The following SH3RF2 variants were observed in gnomAD, a reference collection of about 807,000 sequenced individuals.
The protein encoded by SH3RF2 is SH3 domain containing ring finger 2, also known as E3 ubiquitin-protein ligase SH3RF2.
Under a neutral mutation model 59.0 loss-of-function variants are expected in SH3RF2, and 43 were observed. The ratio of observed to expected loss-of-function variants is 0.73; its 90% CI spans 0.57 to 0.94. The LOEUF is 0.94. SH3RF2 is among the 40% of genes least tolerant of loss of function. The pLI, the probability that SH3RF2 is intolerant of heterozygous loss-of-function variation, is 0.00. For synonymous variants in SH3RF2, 391 were observed against 391.5 expected (o/e 1.00, Z 0.01); for missense variants, 930 against 940.1 (o/e 0.99, Z 0.14).
intron 2 of SH3RF2, among the ~76,000 whole-genome samples, chr5:145,958,267 C>T (rs920524813): frequency 1.7e-4 from 26 of 152,182 alleles, no homozygotes; most frequent in Admixed American, 2.6e-4. Context: ...CAAGACTAGG[C>T]GGAACCCTGT....
In SH3RF2 at chr5:146,020,411, G is replaced by A. The variant is rs549704345; in HGVS notation, c.1059+6350G>A. 1.2e-4 allele frequency among the ~76,000 whole-genome samples: 18 copies of A among 152,214 alleles called. No homozygotes were observed. The South Asian group carries it at 3.5e-3, about 30-fold the overall frequency. On this transcript the variant is annotated intron_variant, in intron 5 of 9. Transcript: ENST00000359120. ...CAGCACAATGCCTGCATTATTCTGG[G>A]CAATGAACAAATGTTTTTTGAATAA...
chr5:146,060,133 C>T lies in SH3RF2; in HGVS notation c.1823C>T (p.Pro608Leu). The T allele has an allele frequency of 6.2e-7, 1 of 1,614,190 alleles. No homozygotes were observed. Residue 608 changes from proline (P) to leucine (L), a missense_variant, in exon 9 of 10, where the codon CCC becomes CTC. By Grantham distance (98) the Pro-to-Leu change is moderately conservative. Coordinates refer to ENST00000359120, the MANE Select transcript of SH3RF2 (RefSeq NM_152550.4). ...CTCATTATGGAAGACAAAGAAATCC[C>T]CATCAAGAGTGAGCCTCTGCCAAAA... is the stretch of plus-strand genomic sequence containing the variant. ...SSLIMEDKEI[P>L]IKSEPLPKPP...
intron 2 of SH3RF2, among the ~76,000 whole-genome samples, chr5:145,978,155 A>G (rs1345073593): frequency 1.3e-5 from 2 of 152,232 alleles, no homozygotes; most frequent in African/African-American, 4.8e-5. Context: ...ATTATCTGCA[A>G]AAAATCATAT....
intron 2 of SH3RF2, among the ~76,000 whole-genome samples, chr5:145,991,007 C>T (rs1178626253): frequency 6.6e-6 from 1 of 152,148 alleles, no homozygotes; most frequent in African/African-American, 2.4e-5. Context: ...TATGTGAGAG[C>T]TCTAGAGTTC....
At chr5:146,053,111 T>C (rs1188060298) in intron 7 of SH3RF2, among the ~76,000 whole-genome samples, 1 of 152,146 alleles carries the variant, frequency 6.6e-6, no homozygotes, top group African/African-American at 2.4e-5. Context: ...AAACTAGAGA[T>C]TATAATTGAC....
intron 5 of SH3RF2, among the ~76,000 whole-genome samples, chr5:146,036,869 T>A (rs546051379): frequency 1.3e-5 from 2 of 152,282 alleles, no homozygotes; most frequent in African/African-American, 4.8e-5. Context: ...AGCCTCAGGA[T>A]CCATGAGAAT....
At chr5:145,975,692 G>A (rs974003774) in intron 2 of SH3RF2, among the ~76,000 whole-genome samples, 3 of 152,220 alleles carry the variant, frequency 2.0e-5, no homozygotes, top group African/African-American at 7.2e-5. Context: ...AATGAACCGT[G>A]TTGAGTTCAA....
chr5:146,016,578 G>T (rs147065023), intron 5 of SH3RF2, among the ~76,000 whole-genome samples: 1 of 152,064 alleles, frequency 6.6e-6, no homozygotes, highest in Non-Finnish European at 1.5e-5. Flanking sequence ...GGTAATTAAG[G>T]CCCCAAAAGA....
chr5:145,940,031 AG>A (rs1318362420), intron 2 of SH3RF2, among the ~76,000 whole-genome samples: 1 of 152,214 alleles, frequency 6.6e-6, no homozygotes, highest in Admixed American at 6.5e-5. Context: ...GAGGATTCTC[AG>A]GGCCCTTCTG....
At position 146,047,843 on chromosome 5, in the gene SH3RF2, G is replaced by A; in HGVS notation, c.1131G>A (p.Gln377=). ...CCGTGGTCAGTCTGCCTGGCTCCCA[G>A]CAACACCTCTCAGCGAACATGTGAG... ...STAVVSLPGS[Q]QHLSANMFVA... Residue 377 remains glutamine, a synonymous_variant, in exon 6 of 10, where the codon CAG becomes CAA. Transcript: ENST00000359120. 2 of 1,614,004 alleles carry A rather than the reference G, an allele frequency of 1.2e-6. No homozygotes were observed. Among genetic ancestry groups the A allele is most frequent in the South Asian group, 1.1e-5 (1 of 91,086 alleles).
chr5:145,944,943 G>A (rs898935746), intron 2 of SH3RF2, among the ~76,000 whole-genome samples: 15 of 152,100 alleles, frequency 9.9e-5, no homozygotes, highest in African/African-American at 3.6e-4. Flanking sequence ...TCAGCTATAG[G>A]CACTATGGTA....
intron 2 of SH3RF2, among the ~76,000 whole-genome samples, chr5:145,990,055 C>T (rs144836071): frequency 7.0e-4 from 106 of 152,250 alleles, no homozygotes; most frequent in Non-Finnish European, 1.3e-3. Context: ...AAAATAACTC[C>T]AAGTAATTTA....
intron 5 of SH3RF2, among the ~76,000 whole-genome samples, chr5:146,029,601 G>A (rs1761670677): frequency 6.6e-6 from 1 of 152,144 alleles, no homozygotes; most frequent in Non-Finnish European, 1.5e-5. Context: ...ACAAGCTTCT[G>A]TGCTATTTGC....
intron 5 of SH3RF2, among the ~76,000 whole-genome samples, chr5:146,028,064 G>C (rs1054223881): frequency 3.9e-5 from 6 of 152,064 alleles, no homozygotes; most frequent in African/African-American, 1.2e-4. Flanking sequence ...GGTGGAAAAG[G>C]GAGCGGCCTA....
At chr5:145,987,474 CAA>C (rs1291356963) in intron 2 of SH3RF2, among the ~76,000 whole-genome samples, 1 of 152,114 alleles carries the variant, frequency 6.6e-6, no homozygotes, top group African/African-American at 2.4e-5. Context: ...AAACACATAA[CAA>C]AAGTCACACG....
At chr5:146,069,619 T>C (rs1763186859) in intron 9 of SH3RF2, among the ~76,000 whole-genome samples, 1 of 152,106 alleles carries the variant, frequency 6.6e-6, no homozygotes, top group Non-Finnish European at 1.5e-5. Flanking sequence ...TGTCACCCAG[T>C]CTGGAGTGCA....
In SH3RF2 at chr5:146,056,003, T is replaced by C. The variant is rs746025262; in HGVS notation, c.1345T>C (p.Ser449Pro). The C allele has an allele frequency of 6.2e-6, 10 of 1,613,720 alleles. No homozygotes were observed. In the African/African-American group the frequency reaches 1.3e-4, roughly 22 times the overall value. The change falls in exon 8 of 10, where the codon TCC (serine) becomes CCC (proline). Residue 449 changes from serine to proline, a missense_variant. By Grantham distance (74) the Ser-to-Pro change is moderately conservative (BLOSUM62 -1). Transcript: ENST00000359120. ...IFRKTSSFPD[S>P]RSPGLYTTWT... ...CAGAAAGACCTCTAGTTTTCCAGAC[T>C]CCCGGAGCCCTGGTCTCTACACCAC...
chr5:146,075,678 G>T (rs937321029), intron 9 of SH3RF2, among the ~76,000 whole-genome samples: 4 of 150,546 alleles, frequency 2.7e-5, no homozygotes, highest in African/African-American at 7.3e-5. Flanking sequence ...GGGCATGGTA[G>T]TGGGCACCTG....
At chr5:146,038,321 C>T (rs529099562) in intron 5 of SH3RF2, among the ~76,000 whole-genome samples, 2 of 152,206 alleles carry the variant, frequency 1.3e-5, no homozygotes, top group South Asian at 4.2e-4. Context: ...TCCCAGAGGG[C>T]CTGGCCAGCA....
Sources: gnomAD v4.1 joint callset for allele counts (sites outside exome capture counted in the v4.1 genomes callset) on GRCh38, gnomAD v4.1.1 for gene constraint, MANE v1.5 for transcripts, NCBI Gene and HGNC (gene_info 2026-07-23, HGNC 2026-07-21) for gene names.